The following PBRM1 variants were observed in gnomAD, a reference collection of about 807,000 sequenced individuals.
PBRM1 encodes polybromo 1, also known as protein polybromo-1.
PBRM1 carries 27 observed loss-of-function variants against 194.5 expected under a neutral mutation model. The observed-to-expected ratio is 0.14, with a 90% CI of 0.10 to 0.19. The LOEUF (loss-of-function observed/expected upper bound fraction) is 0.19. PBRM1 is among the 10% of genes least tolerant of loss of function. The pLI, the probability that PBRM1 is intolerant of heterozygous loss-of-function variation, is 1.00. For synonymous variants in PBRM1, 655 were observed against 693.2 expected, an observed-to-expected ratio of 0.94 and a Z score of 0.87; for missense variants, 1,466 against 2,077.2, an observed-to-expected ratio of 0.71 and a Z score of 5.72.
intron 24 of PBRM1, among the ~76,000 whole-genome samples, chr3:52,562,246 G>A (rs950998181): frequency 6.6e-6 from 1 of 151,032 alleles, no homozygotes; most frequent in African/African-American, 2.4e-5. Flanking sequence ...AGAATGGCGT[G>A]AACCCGGGAG....
intron 25 of PBRM1, among the ~76,000 whole-genome samples, chr3:52,559,885 A>T (rs2083082608): frequency 6.6e-6 from 1 of 152,030 alleles, no homozygotes; most frequent in Admixed American, 6.5e-5. Flanking sequence ...TTCCACTTCA[A>T]ATTCTAGTAT....
upstream of PBRM1, chr3:52,681,039 T>G (rs2097196045): frequency 6.6e-6 from 1 of 151,656 alleles, no homozygotes; most frequent in Non-Finnish European, 1.5e-5. Flanking sequence ...GGTATTCACT[T>G]CTTGAGTCAG....
intron 24 of PBRM1, 148 bp from the exon 27 acceptor site, chr3:52,562,116 T>C (rs921594048): frequency 1.6e-6 from 1 of 644,376 alleles, no homozygotes; most frequent in Non-Finnish European, 2.8e-6. Context: ...GGTCAGGAGA[T>C]TGAGACCATC....
At chr3:52,556,035 T>C (rs1258577788) in intron 26 of PBRM1, among the ~76,000 whole-genome samples, 1 of 152,206 alleles carries the variant, frequency 6.6e-6, no homozygotes. Flanking sequence ...AAGGGAGGGT[T>C]GAGGGACTGG....
At chr3:52,561,912 G>T (rs770235395) in exon 25 of PBRM1, 1 of 1,614,128 alleles carries the variant, frequency 6.2e-7, no homozygotes, top group East Asian at 2.2e-5. Flanking sequence ...CACTCATGTT[G>T]ATTTTCCGTT....
At chr3:52,557,321 C>G (rs1168464523) in intron 26 of PBRM1, among the ~76,000 whole-genome samples, 2 of 152,190 alleles carry the variant, frequency 1.3e-5, no homozygotes, top group Non-Finnish European at 2.9e-5. Context: ...GCTACTCTTC[C>G]TTAAAAAGCA....
intron 10 of PBRM1, among the ~76,000 whole-genome samples, chr3:52,637,213 C>A (rs1002820748): frequency 2.6e-5 from 4 of 152,178 alleles, no homozygotes; most frequent in Non-Finnish European, 5.9e-5. Context: ...CCTTATACAT[C>A]TTTTCTGATC....
At chr3:52,683,029 G>A (rs1049391637), upstream of PBRM1, among the ~76,000 whole-genome samples, 9 of 151,884 alleles carry the variant, frequency 5.9e-5, no homozygotes, top group Admixed American at 2.6e-4. Context: ...GTGAAACCCC[G>A]TCTCCACTAA....
intron 4 of PBRM1, among the ~76,000 whole-genome samples, chr3:52,659,200 T>C (rs78059582): frequency 0.013 from 1,917 of 152,308 alleles, 15 homozygotes; most frequent in South Asian, 0.029. Context: ...ACATAGGAAG[T>C]ATATGCCCCA....
At chr3:52,651,891 G>A (rs1182761467) in intron 5 of PBRM1, 81 bp from the exon 7 acceptor site, 2 of 910,362 alleles carry the variant, frequency 2.2e-6, no homozygotes, top group East Asian at 2.5e-5. Context: ...TTGACAATCT[G>A]TTGTTCAAAC....
At chr3:52,649,160 G>A (rs1283003828) in intron 6 of PBRM1, among the ~76,000 whole-genome samples, 2 of 152,130 alleles carry the variant, frequency 1.3e-5, no homozygotes, top group East Asian at 1.9e-4. Flanking sequence ...AGAATCCAGA[G>A]AGCCAGGCAA....
chr3:52,573,364 G>A (rs2088143527), intron 22 of PBRM1, among the ~76,000 whole-genome samples: 2 of 151,850 alleles, frequency 1.3e-5, no homozygotes, highest in South Asian at 4.2e-4. Flanking sequence ...CTTGATCTCA[G>A]CTCACTGCAA....
downstream of PBRM1, chr3:52,546,566 T>C (rs1559760668): frequency 4.3e-6 from 1 of 230,288 alleles, no homozygotes; most frequent in Non-Finnish European, 8.6e-6. Flanking sequence ...TGGGTACTGA[T>C]TCATAGCAGA....
intron 17 of PBRM1, among the ~76,000 whole-genome samples, chr3:52,602,141 G>T (rs1309795569): frequency 6.6e-6 from 1 of 152,076 alleles, no homozygotes; most frequent in African/African-American, 2.4e-5. Context: ...TATCTAAATG[G>T]GGCTCTCTTT....
intron 20 of PBRM1, among the ~76,000 whole-genome samples, chr3:52,579,519 G>A (rs1274613612): frequency 1.3e-5 from 2 of 152,078 alleles, no homozygotes; most frequent in African/African-American, 4.8e-5. Flanking sequence ...GATCACTCGA[G>A]CTCAGGAGGT....
chr3:52,561,337 C>G (rs1666444335), intron 25 of PBRM1, among the ~76,000 whole-genome samples: 1 of 152,172 alleles, frequency 6.6e-6, no homozygotes, highest in Non-Finnish European at 1.5e-5. Flanking sequence ...AGCAAAGACT[C>G]AGCCTGAAGT....
chr3:52,561,160 A>C (rs2153481547), intron 25 of PBRM1, among the ~76,000 whole-genome samples: 1 of 152,354 alleles, frequency 6.6e-6, no homozygotes, highest in East Asian at 1.9e-4. Context: ...TAAATGGCTA[A>C]GAACCACCAA....
At chr3:52,631,659 G>A (rs2095621968) in intron 11 of PBRM1, among the ~76,000 whole-genome samples, 1 of 152,108 alleles carries the variant, frequency 6.6e-6, no homozygotes, top group South Asian at 2.1e-4. Flanking sequence ...CTCCCAAAGT[G>A]CTGGGATTAC....
At chr3:52,596,434 CTCAAAAAAAAAAAAAAAAAAA>C (rs1431128361) in intron 17 of PBRM1, among the ~76,000 whole-genome samples, 4 of 37,516 alleles carry the variant, frequency 1.1e-4, no homozygotes, top group South Asian at 1.3e-3. Flanking sequence ...GAGACTCCGT[CTCAAAAAAAAAAAAAAAAAAA>C]AAAAAAAAAA....
Sources: gnomAD v4.1 joint callset for allele counts (sites outside exome capture counted in the v4.1 genomes callset) on GRCh38, gnomAD v4.1.1 for gene constraint, MANE v1.5 for transcripts, NCBI Gene and HGNC (gene_info 2026-07-23, HGNC 2026-07-21) for gene names.